The following MACROD2 variants were observed in gnomAD, a reference collection of about 807,000 sequenced individuals.
MACROD2 encodes mono-ADP ribosylhydrolase 2, also known as ADP-ribose glycohydrolase MACROD2.
In MACROD2, 36 loss-of-function variants were observed where a neutral mutation model predicts 70.4. The observed-to-expected ratio is 0.51, with a 90% CI of 0.39 to 0.68. The LOEUF is 0.68. Among genes scored for constraint, MACROD2 ranks in the 30% least tolerant of loss-of-function variants. The probability of loss-of-function intolerance (pLI) is 0.00; values close to 1 mark genes in which losing one functional copy is unlikely to be tolerated. For missense variants in MACROD2, 496 were observed against 538.4 expected (o/e 0.92, Z 0.78); for synonymous variants, 172 against 178.8 (o/e 0.96, Z 0.30).
chr20:15,120,963 C>T (rs1327109500), intron 5 of MACROD2, among the ~76,000 whole-genome samples: 1 of 152,136 alleles, frequency 6.6e-6, no homozygotes, highest in East Asian at 1.9e-4. Context: ...GAAGCGCTGT[C>T]GGAAAGCCAG....
Position 13,995,545 on chromosome 20 carries a change from G to C in MACROD2, c.-219G>C, listed in dbSNP as rs957266465. The C allele has an allele frequency of 1.4e-5, 9 of 633,856 alleles. No individual in the cohort carries two copies. In the Admixed American group the frequency reaches 1.7e-4, roughly 12 times the overall value. The allele number at this position is 633,856 out of a possible 1,614,324, so 39.3% of individuals were successfully genotyped here. ...GGCTCTGAGGTGCTGCTGTGGCGGCGTCCGCGGGGCTGAGGCGGGTGGGAG... is the reference window on the plus strand; with the variant it reads ...GGCTCTGAGGTGCTGCTGTGGCGGCCTCCGCGGGGCTGAGGCGGGTGGGAG... On this transcript the variant is annotated 5_prime_UTR_variant, in exon 1 of 18. Coordinates refer to ENST00000684519, the MANE Select transcript of MACROD2 (RefSeq NM_001351661.2). This position sits in a 1 kb window ranked among gnomAD's most constrained non-coding sequence, Gnocchi z 4.3.
At chr20:14,971,136 T>C (rs1329069939) in intron 5 of MACROD2, among the ~76,000 whole-genome samples, 2 of 152,172 alleles carry the variant, frequency 1.3e-5, no homozygotes, top group African/African-American at 4.8e-5. Context: ...TTACTTCAAA[T>C]ACCTAACAAA....
chr20:14,073,376 G>A (rs2053875495), intron 2 of MACROD2, among the ~76,000 whole-genome samples: 1 of 151,836 alleles, frequency 6.6e-6, no homozygotes. Flanking sequence ...AATATAAAAT[G>A]AGCACTTATC....
chr20:14,564,310 G>A (rs1208149378), intron 4 of MACROD2, among the ~76,000 whole-genome samples: 1 of 151,814 alleles, frequency 6.6e-6, no homozygotes, highest in Non-Finnish European at 1.5e-5. Context: ...TTATGACTAA[G>A]TCCTCAGAAA....
intron 5 of MACROD2, among the ~76,000 whole-genome samples, chr20:14,902,732 T>C (rs551871342): frequency 6.6e-6 from 1 of 152,150 alleles, no homozygotes; most frequent in African/African-American, 2.4e-5. Flanking sequence ...CTAGGGAACA[T>C]GTAGTCTAAA....
chr20:14,925,421 T>G (rs540602150), intron 5 of MACROD2, among the ~76,000 whole-genome samples: 4 of 152,318 alleles, frequency 2.6e-5, no homozygotes, highest in Admixed American at 2.0e-4. Flanking sequence ...TATTTTGTAA[T>G]GAGAAGTCCA....
intron 7 of MACROD2, among the ~76,000 whole-genome samples, chr20:15,454,210 C>T (rs562298666): frequency 6.6e-6 from 1 of 152,208 alleles, no homozygotes; most frequent in South Asian, 2.1e-4. Flanking sequence ...GTTTGTTCAG[C>T]TGTATCTTTA....
At chr20:15,722,128 T>C (rs2050795325) in intron 8 of MACROD2, among the ~76,000 whole-genome samples, 1 of 152,220 alleles carries the variant, frequency 6.6e-6, no homozygotes, top group Admixed American at 6.5e-5. Context: ...AATTTATATA[T>C]TCAACTTTCT....
intron 8 of MACROD2, among the ~76,000 whole-genome samples, chr20:15,794,922 G>GT (rs1409560610): frequency 6.6e-6 from 1 of 152,102 alleles, no homozygotes; most frequent in Non-Finnish European, 1.5e-5. Flanking sequence ...CCCGTGGCTA[G>GT]TTCCTATGAA....
intron 3 of MACROD2, among the ~76,000 whole-genome samples, chr20:14,406,857 C>T (rs974680933): frequency 1.3e-5 from 2 of 152,072 alleles, no homozygotes; most frequent in African/African-American, 4.8e-5. Context: ...TTCTGATGAT[C>T]CCAAAATTAA....
At chr20:14,507,695 A>C (rs967784219) in intron 4 of MACROD2, among the ~76,000 whole-genome samples, 3 of 152,228 alleles carry the variant, frequency 2.0e-5, no homozygotes, top group Admixed American at 2.0e-4. Context: ...TTAAAGAATT[A>C]AAGGAAAGTG....
intron 3 of MACROD2, among the ~76,000 whole-genome samples, chr20:14,372,194 T>C (rs761704954): frequency 1.3e-5 from 2 of 152,196 alleles, no homozygotes; most frequent in Non-Finnish European, 2.9e-5. Flanking sequence ...CATCATGCTG[T>C]CCTATTTTAT....
chr20:14,866,289 G>A (rs2073426878), intron 5 of MACROD2, among the ~76,000 whole-genome samples: 1 of 152,072 alleles, frequency 6.6e-6, no homozygotes, highest in Non-Finnish European at 1.5e-5. Flanking sequence ...AGCTATCAGA[G>A]CAAAACTCAG....
chr20:15,039,417 G>T (rs2075338323), intron 5 of MACROD2, among the ~76,000 whole-genome samples: 2 of 152,294 alleles, frequency 1.3e-5, no homozygotes, highest in South Asian at 4.1e-4. Context: ...AAGAGGAGTT[G>T]TAGTTTCTAT....
At chr20:14,892,193 C>A (rs1411881046) in intron 5 of MACROD2, among the ~76,000 whole-genome samples, 1 of 152,096 alleles carries the variant, frequency 6.6e-6, no homozygotes, top group East Asian at 1.9e-4. Flanking sequence ...TAAATGTGGG[C>A]TGGCATGGTG....
At chr20:15,292,775 A>G (rs1043072060) in intron 6 of MACROD2, among the ~76,000 whole-genome samples, 4 of 152,228 alleles carry the variant, frequency 2.6e-5, no homozygotes, top group East Asian at 1.9e-4. Context: ...TTAAAACGTT[A>G]TACTAATTTA....
intron 4 of MACROD2, among the ~76,000 whole-genome samples, chr20:14,554,679 A>G (rs1175396014): frequency 6.6e-6 from 1 of 152,130 alleles, no homozygotes; most frequent in Non-Finnish European, 1.5e-5. Flanking sequence ...CTTATGCCTA[A>G]GAGATATGTA....
intron 8 of MACROD2, among the ~76,000 whole-genome samples, chr20:15,528,158 C>G (rs2146541316): frequency 6.6e-6 from 1 of 152,052 alleles, no homozygotes; most frequent in East Asian, 1.9e-4. Context: ...TTATTTGAGA[C>G]AGAGTCTTGC....
At chr20:15,605,735 A>C (rs1333777746) in intron 8 of MACROD2, among the ~76,000 whole-genome samples, 1 of 152,192 alleles carries the variant, frequency 6.6e-6, no homozygotes, top group East Asian at 1.9e-4. Flanking sequence ...GTGTATAAGA[A>C]ATAGGTGTGT....
Sources: gnomAD v4.1 joint callset for allele counts (sites outside exome capture counted in the v4.1 genomes callset) on GRCh38, gnomAD v4.1.1 for gene constraint, Gnocchi (gnomAD v3.1) non-coding constraint, MANE v1.5 for transcripts, NCBI Gene and HGNC (gene_info 2026-07-23, HGNC 2026-07-21) for gene names.